WDR70: variants seen among roughly 807,000 people sequenced by gnomAD.
The protein encoded by WDR70 is WD repeat-containing protein 70.
In WDR70, 53 loss-of-function variants were observed where a neutral mutation model predicts 88.6. The observed-to-expected ratio is 0.60, with a 90% CI of 0.48 to 0.75. The LOEUF is 0.75. Ranked by LOEUF, WDR70 falls within the 30% of genes least tolerant of loss-of-function variation. The pLI, the probability that WDR70 is intolerant of heterozygous loss-of-function variation, is 0.00. For synonymous variants in WDR70, 280 were observed against 270.0 expected (o/e 1.04, Z -0.36); for missense variants, 610 against 823.2 (o/e 0.74, Z 3.17).
chr5:37,464,647 C>T (rs1739103486), intron 7 of WDR70, among the ~76,000 whole-genome samples: 1 of 152,274 alleles, frequency 6.6e-6, no homozygotes, highest in African/African-American at 2.4e-5. Flanking sequence ...ATGGCTGTGG[C>T]TCATTGAATG....
At chr5:37,448,191 T>A (rs1326723547) in intron 7 of WDR70, among the ~76,000 whole-genome samples, 1 of 152,204 alleles carries the variant, frequency 6.6e-6, no homozygotes, top group Non-Finnish European at 1.5e-5. Flanking sequence ...TTCTTTTCAA[T>A]GTTTAAATTG....
intron 9 of WDR70, among the ~76,000 whole-genome samples, chr5:37,518,466 G>A (rs185056951): frequency 1.7e-4 from 26 of 152,076 alleles, no homozygotes; most frequent in Middle Eastern, 3.4e-3. Context: ...GGTTGTCTGC[G>A]TGTCTGGCTT....
intron 10 of WDR70, among the ~76,000 whole-genome samples, chr5:37,674,068 G>A (rs1746119241): frequency 6.6e-6 from 1 of 151,918 alleles, no homozygotes; most frequent in Non-Finnish European, 1.5e-5. Context: ...GAATAGTGCT[G>A]GAATGAGCAT....
At chr5:37,650,944 C>G (rs1745391358) in intron 10 of WDR70, among the ~76,000 whole-genome samples, 1 of 149,878 alleles carries the variant, frequency 6.7e-6, no homozygotes, top group African/African-American at 2.5e-5. Context: ...TTCAGAACTT[C>G]AATCTACAGA....
At chr5:37,684,815 G>T (rs1338822422) in intron 10 of WDR70, among the ~76,000 whole-genome samples, 2 of 152,212 alleles carry the variant, frequency 1.3e-5, no homozygotes, top group African/African-American at 4.8e-5. Context: ...CAGTGCAGGG[G>T]GCTGGAGGGG....
chr5:37,653,492 TGG>T (rs1745463045), intron 10 of WDR70, among the ~76,000 whole-genome samples: 1 of 152,220 alleles, frequency 6.6e-6, no homozygotes, highest in Non-Finnish European at 1.5e-5. Flanking sequence ...TTCTATTGTT[TGG>T]GATAGTTTCA....
Position 37,703,092 on chromosome 5 carries a change from G to A in WDR70, c.1416+5G>A. On this transcript the variant is annotated splice_donor_5th_base_variant and intron_variant, in intron 13 of 17. Coordinates refer to ENST00000265107, the MANE Select transcript of WDR70 (RefSeq NM_018034.4). ...GAAATAGACATCACAGATGCGGTAC[G>A]TATATTCTTTTCTCCTCAGCCTTGA... 1.9e-6 allele frequency: 3 copies of A among 1,597,804 alleles called. No individual in the cohort carries two copies. Among genetic ancestry groups the A allele is most frequent in the Non-Finnish European group, 2.6e-6 (3 of 1,166,544 alleles).
intron 5 of WDR70, among the ~76,000 whole-genome samples, chr5:37,401,017 T>C (rs1749172876): frequency 6.6e-6 from 1 of 152,066 alleles, no homozygotes. Context: ...TTGTGTTTTT[T>C]TGAGATGGGG....
intron 7 of WDR70, among the ~76,000 whole-genome samples, chr5:37,468,883 A>G (rs954490121): frequency 1.3e-5 from 2 of 152,112 alleles, no homozygotes; most frequent in Non-Finnish European, 2.9e-5. Flanking sequence ...ATATGGGAGG[A>G]TGTGCAAAGG....
chr5:37,531,360 G>C (rs1299674372), intron 9 of WDR70, among the ~76,000 whole-genome samples: 2 of 152,000 alleles, frequency 1.3e-5, no homozygotes, highest in East Asian at 3.9e-4. Context: ...TTGATGACTA[G>C]TGTCAGTGGA....
chr5:37,487,756 G>C (rs1347563180), intron 8 of WDR70, among the ~76,000 whole-genome samples: 1 of 151,254 alleles, frequency 6.6e-6, no homozygotes, highest in African/African-American at 2.4e-5. Flanking sequence ...CTCCCGAGTA[G>C]CTGGGACTAC....
intron 9 of WDR70, among the ~76,000 whole-genome samples, chr5:37,559,610 C>T (rs374073598): frequency 8.5e-4 from 130 of 152,194 alleles, no homozygotes; most frequent in African/African-American, 3.0e-3. Context: ...TTCGGGAGGA[C>T]GAGGCGGGTG....
chr5:37,643,696 T>C (rs1323842691), intron 10 of WDR70, among the ~76,000 whole-genome samples: 1 of 151,946 alleles, frequency 6.6e-6, no homozygotes, highest in Non-Finnish European at 1.5e-5. Context: ...ATTAGAGGAA[T>C]CTTTCACTTC....
intron 3 of WDR70, among the ~76,000 whole-genome samples, chr5:37,389,343 C>G (rs765678328): frequency 1.9e-4 from 29 of 150,050 alleles, no homozygotes; most frequent in Non-Finnish European, 3.4e-4. Context: ...AGCCACCCGC[C>G]TCGGCCTCTC....
At chr5:37,534,753 A>G (rs889663612) in intron 9 of WDR70, among the ~76,000 whole-genome samples, 5 of 152,188 alleles carry the variant, frequency 3.3e-5, no homozygotes, top group Non-Finnish European at 7.3e-5. Flanking sequence ...TTCTGGGATT[A>G]CAGGCATGAG....
At chr5:37,543,094 A>G (rs1381394331) in intron 9 of WDR70, among the ~76,000 whole-genome samples, 1 of 152,144 alleles carries the variant, frequency 6.6e-6, no homozygotes, top group Non-Finnish European at 1.5e-5. Flanking sequence ...TGGTAGAAGA[A>G]AGGTCAGTTG....
chr5:37,466,972 G>A (rs6881301), intron 7 of WDR70, among the ~76,000 whole-genome samples: 129,844 of 151,862 alleles, frequency 0.86, 59,122 homozygotes, highest in East Asian at 1. Context: ...GTGGTGGCTT[G>A]TGCCTGTATT....
intron 8 of WDR70, among the ~76,000 whole-genome samples, chr5:37,488,257 C>CT (rs1182692603): frequency 6.6e-6 from 1 of 151,338 alleles, no homozygotes; most frequent in African/African-American, 2.4e-5. Context: ...TTTTGACAAT[C>CT]TGACTATAAT....
At chr5:37,597,023 A>G (rs1231796866) in intron 9 of WDR70, among the ~76,000 whole-genome samples, 1 of 152,152 alleles carries the variant, frequency 6.6e-6, no homozygotes. Context: ...TTTATATGTC[A>G]GTACTCTATT....
Sources: allele counts gnomAD v4.1 joint callset (sites outside exome capture counted in the v4.1 genomes callset), GRCh38; gene constraint gnomAD v4.1.1; transcripts MANE v1.5; gene names NCBI Gene and HGNC (gene_info 2026-07-23, HGNC 2026-07-21).